The following NRG1 variants were observed in gnomAD, a reference collection of about 807,000 sequenced individuals.
NRG1 encodes the protein neuregulin 1, also known as pro-neuregulin-1, membrane-bound isoform.
Under a neutral mutation model 63.8 loss-of-function variants are expected in NRG1, and 18 were observed. That is an observed-to-expected ratio of 0.28 (90% CI 0.19 to 0.42). The LOEUF is 0.42. Among genes scored for constraint, NRG1 ranks in the 10% least tolerant of loss-of-function variants. NRG1 has a pLI of 1.00. For synonymous variants in NRG1, 302 were observed against 301.3 expected, an observed-to-expected ratio of 1.00 and a Z score of -0.02; for missense variants, 762 against 814.7, an observed-to-expected ratio of 0.94 and a Z score of 0.79.
intron 1 of NRG1, among the ~76,000 whole-genome samples, chr8:31,676,513 CA>C (rs1807717278): frequency 6.6e-6 from 1 of 152,138 alleles, no homozygotes. Context: ...GTGGTTCTCA[CA>C]GTGTGAACCA....
intron 1 of NRG1, among the ~76,000 whole-genome samples, chr8:32,582,390 G>A (rs574716406): frequency 1.3e-5 from 2 of 152,270 alleles, no homozygotes; most frequent in East Asian, 1.9e-4. Context: ...GAGACACGGC[G>A]CCCAGCCTGA....
chr8:32,332,155 G>C (rs941027113), intron 1 of NRG1, among the ~76,000 whole-genome samples: 1 of 152,004 alleles, frequency 6.6e-6, no homozygotes, highest in African/African-American at 2.4e-5. Flanking sequence ...AAAAAAAGAA[G>C]GTTGTAAGTT....
intron 1 of NRG1, among the ~76,000 whole-genome samples, chr8:32,522,808 CT>C (rs56103865): frequency 0.11 from 14,719 of 139,230 alleles, 692 homozygotes; most frequent in Middle Eastern, 0.15. Context: ...CCCAATTTGC[CT>C]TTTTTTTTTT....
At chr8:32,344,342 C>CTTT (rs1314256307) in intron 1 of NRG1, among the ~76,000 whole-genome samples, 2 of 74,488 alleles carry the variant, frequency 2.7e-5, no homozygotes, top group African/African-American at 4.9e-5. Flanking sequence ...TTCTTTCTTT[C>CTTT]TTTCTTTCTT....
intron 1 of NRG1, among the ~76,000 whole-genome samples, chr8:32,460,512 G>A (rs1230309851): frequency 6.6e-6 from 1 of 152,156 alleles, no homozygotes; most frequent in Non-Finnish European, 1.5e-5. Flanking sequence ...TTTGATGCTT[G>A]AAAATCACCT....
At chr8:32,447,378 G>A (rs1046154378) in intron 1 of NRG1, among the ~76,000 whole-genome samples, 1 of 152,004 alleles carries the variant, frequency 6.6e-6, no homozygotes, top group Admixed American at 6.6e-5. Flanking sequence ...CAATGGAAAT[G>A]GTGGTATAGC....
At chr8:32,741,908 AT>A in intron 6 of NRG1, 99 bp from the exon 7 acceptor site, 1 of 826,416 alleles carries the variant, frequency 1.2e-6, no homozygotes, top group Non-Finnish European at 2.1e-6. Context: ...GTACCAGATC[AT>A]TTTTAGGAAT....
At chr8:32,217,690 C>A (rs1845389113) in intron 1 of NRG1, among the ~76,000 whole-genome samples, 1 of 152,164 alleles carries the variant, frequency 6.6e-6, no homozygotes. Context: ...TGTCCCAAAT[C>A]TCTCTCCATA....
At chr8:32,649,989 C>T (rs1854639238) in intron 5 of NRG1, among the ~76,000 whole-genome samples, 1 of 152,150 alleles carries the variant, frequency 6.6e-6, no homozygotes, top group Admixed American at 6.5e-5. Context: ...TTGAAATCTG[C>T]TTGAACAGGT....
At chr8:32,668,964 G>A (rs1004067178) in intron 5 of NRG1, among the ~76,000 whole-genome samples, 5 of 152,272 alleles carry the variant, frequency 3.3e-5, no homozygotes, top group African/African-American at 1.2e-4. Flanking sequence ...CCTTGATAGA[G>A]AGTGTTCTCT....
At chr8:31,994,407 C>T (rs1811577615) in intron 1 of NRG1, among the ~76,000 whole-genome samples, 1 of 151,782 alleles carries the variant, frequency 6.6e-6, no homozygotes, top group African/African-American at 2.4e-5. Flanking sequence ...AATTCCAGCA[C>T]TTTGGGAAGC....
chr8:32,117,706 A>G (rs899534291), intron 1 of NRG1, among the ~76,000 whole-genome samples: 4 of 152,162 alleles, frequency 2.6e-5, no homozygotes, highest in African/African-American at 9.6e-5. Flanking sequence ...AATTAGTATC[A>G]TTTTATGTAC....
At chr8:31,799,290 A>G (rs1032984450) in intron 1 of NRG1, among the ~76,000 whole-genome samples, 1 of 152,134 alleles carries the variant, frequency 6.6e-6, no homozygotes, top group Non-Finnish European at 1.5e-5. Flanking sequence ...GTCAAACTGA[A>G]GCAAAATTTG....
intron 1 of NRG1, among the ~76,000 whole-genome samples, chr8:32,303,037 C>T (rs940710720): frequency 1.3e-5 from 2 of 151,778 alleles, no homozygotes; most frequent in African/African-American, 4.8e-5. Context: ...CAAAAATTAG[C>T]CGGGCGTGGT....
At chr8:31,875,829 C>G (rs1829870288) in intron 1 of NRG1, among the ~76,000 whole-genome samples, 1 of 152,046 alleles carries the variant, frequency 6.6e-6, no homozygotes, top group Non-Finnish European at 1.5e-5. Flanking sequence ...AGGAAATTCC[C>G]CTGAGGAATT....
chr8:31,671,871 A>G (rs1807186195), intron 1 of NRG1, among the ~76,000 whole-genome samples: 3 of 152,320 alleles, frequency 2.0e-5, no homozygotes, highest in Middle Eastern at 3.4e-3. Flanking sequence ...ATAGCAGAAA[A>G]TAGAGCTGTT....
At chr8:32,337,038 C>T (rs1803358940) in intron 1 of NRG1, among the ~76,000 whole-genome samples, 1 of 152,136 alleles carries the variant, frequency 6.6e-6, no homozygotes, top group South Asian at 2.1e-4. Flanking sequence ...GAAACAGGGG[C>T]TCACCCTGTC....
At position 32,218,785 on chromosome 8, in the gene NRG1, G is replaced by T. The variant is rs1384063622; in HGVS notation, c.38-377043G>T. Among the ~76,000 whole-genome samples the T allele has an allele frequency of 2.0e-5, 3 of 152,170 alleles. No homozygotes were observed. The East Asian group carries it at 5.8e-4, about 29-fold the overall frequency. ...AGCCTGCCTTTGACAATGCTTAGAG[G>T]TTAGAGGATGCCAAATGAGCCTCAT... On this transcript the variant is annotated intron_variant, in intron 1 of 10. Transcript: ENST00000519301.
At chr8:31,721,434 G>A (rs1034952312) in intron 1 of NRG1, among the ~76,000 whole-genome samples, 13 of 152,120 alleles carry the variant, frequency 8.5e-5, no homozygotes, top group Middle Eastern at 3.4e-3. Context: ...ATACATTTAG[G>A]TAGTCAAACC....
Sources: gnomAD v4.1 joint callset for allele counts (sites outside exome capture counted in the v4.1 genomes callset) on GRCh38, gnomAD v4.1.1 for gene constraint, MANE v1.5 for transcripts, NCBI Gene and HGNC (gene_info 2026-07-23, HGNC 2026-07-21) for gene names.